The following NRP1 variants were observed in gnomAD, a reference collection of about 807,000 sequenced individuals.
NRP1 encodes neuropilin-1.
A neutral mutation model predicts 106.7 loss-of-function variants in NRP1; 35 were observed. The observed-to-expected ratio is 0.33, with a 90% confidence interval of 0.25 to 0.43. The LOEUF is 0.43. Among genes scored for constraint, NRP1 ranks in the 20% least tolerant of loss-of-function variants. The pLI, the probability that NRP1 is intolerant of heterozygous loss-of-function variation, is 1.00. For missense variants in NRP1, 1,024 were observed against 1,170.4 expected (o/e 0.87, Z 1.83); for synonymous variants, 437 against 417.9 (o/e 1.05, Z -0.56).
intron 2 of NRP1, among the ~76,000 whole-genome samples, chr10:33,330,406 AAAG>A (rs1484545301): frequency 3.9e-5 from 6 of 152,016 alleles, no homozygotes; most frequent in African/African-American, 1.2e-4. Context: ...AAAAAAAAAA[AAAG>A]AAAGAAAAAA....
intron 5 of NRP1, among the ~76,000 whole-genome samples, chr10:33,255,592 C>T (rs1842143133): frequency 2.0e-5 from 3 of 152,162 alleles, no homozygotes; most frequent in Admixed American, 1.3e-4. Context: ...ACTGGGACTA[C>T]AGGCACAATC....
At chr10:33,281,849 C>T (rs1228027529) in intron 2 of NRP1, among the ~76,000 whole-genome samples, 1 of 152,104 alleles carries the variant, frequency 6.6e-6, no homozygotes, top group Non-Finnish European at 1.5e-5. Context: ...ACATAGAGAA[C>T]CAAATGGAGA....
At position 33,226,187 on chromosome 10, in the gene NRP1, C is replaced by A; in HGVS notation, c.1084G>T (p.Val362Phe). ...KYYVKTYKID[V>F]SSNGEDWITI... ...ATCCAGTCTTCCCCGTTGGAGCTAA[C>A]GTCGATCTTGTAAGTCTTGACATAA... Residue 362 changes from valine (V) to phenylalanine (F), a missense_variant, in exon 7 of 17, where the codon GTT becomes TTT. This residue lies in a region of NRP1 where 562 missense variants were observed against 620.3 expected (regional missense o/e 0.91). Coordinates refer to ENST00000374867, the MANE Select transcript of NRP1 (RefSeq NM_003873.7). The A allele has an allele frequency of 6.2e-7, 1 of 1,614,190 alleles. No homozygotes were observed. Among genetic ancestry groups the A allele is most frequent in the Non-Finnish European group, 8.5e-7 (1 of 1,180,028 alleles).
At position 33,311,440 on chromosome 10, in the gene NRP1, G is replaced by A. The variant is rs142040427; in HGVS notation, c.248+19268C>T. Among the ~76,000 whole-genome samples, 42 of 152,342 alleles carry A rather than the reference G, an allele frequency of 2.8e-4. No individual in the cohort carries two copies. In the Middle Eastern group the frequency reaches 0.01, roughly 37 times the overall value. Reference sequence around the variant, plus strand: ...GGAGGCCACTCGGAGAACAGCCCCTGAGTAGCAGGTCTCTTCTACTTGTCA... The same window carrying A: ...GGAGGCCACTCGGAGAACAGCCCCTAAGTAGCAGGTCTCTTCTACTTGTCA... On this transcript the variant is annotated intron_variant, in intron 2 of 16. Coordinates refer to ENST00000374867, the MANE Select transcript of NRP1 (RefSeq NM_003873.7).
In NRP1 at chr10:33,179,310, A is replaced by G. The variant is rs1174817148; in HGVS notation, c.*766T>C. The G allele has an allele frequency of 6.5e-6, 1 of 152,676 alleles. No individual in the cohort carries two copies. The highest frequency in any genetic ancestry group is 1.9e-4 in the East Asian group (1 of 5,194). The allele number at this position is 152,676 out of a possible 1,614,324, so 9.5% of individuals were successfully genotyped here. A position where few individuals can be genotyped will look rare whatever the true frequency, so the allele number is the denominator to read the frequency against. On this transcript the variant is annotated 3_prime_UTR_variant, in exon 17 of 17. Coordinates refer to ENST00000374867, the MANE Select transcript of NRP1 (RefSeq NM_003873.7). ...GGTCGTTAATGTAACACAATGAACC[A>G]GTACAAACAAAAAGGCACTTGAGAG...
intron 15 of NRP1, among the ~76,000 whole-genome samples, chr10:33,184,230 G>T (rs191834559): frequency 5.3e-5 from 8 of 152,202 alleles, no homozygotes; most frequent in Admixed American, 2.0e-4. Flanking sequence ...TGGCCAGGCT[G>T]GTCCTAAACT....
rs146774468 is a variant in NRP1, at chr10:33,320,912, GACTGTCACATTA to G, written c.248+9784_248+9795del. On this transcript the variant is annotated intron_variant, in intron 2 of 16. Transcript: ENST00000374867. Reference sequence around the variant, plus strand: ...AAGGCAAAATAGAGTGCTGCAGTCAGACTGTCACATTAACTGGAATTTGTCAACTTGACTGGC... The same window carrying G: ...AAGGCAAAATAGAGTGCTGCAGTCAGACTGGAATTTGTCAACTTGACTGGC... 5.0e-3 allele frequency among the ~76,000 whole-genome samples: 769 copies of G among 152,342 alleles called. 7 individuals are homozygous for G. Among genetic ancestry groups the G allele is most frequent in the African/African-American group, 0.018 (745 of 41,576 alleles).
At chr10:33,222,249 T>C (rs932022923) in intron 7 of NRP1, among the ~76,000 whole-genome samples, 3 of 152,174 alleles carry the variant, frequency 2.0e-5, no homozygotes, top group African/African-American at 7.2e-5. Flanking sequence ...CCAGAAGGGA[T>C]GCTTTTTAAG....
intron 11 of NRP1, 70 bp downstream of exon 11, chr10:33,202,821 G>C: frequency 1.2e-6 from 2 of 1,613,688 alleles, no homozygotes; most frequent in Admixed American, 1.7e-5. Flanking sequence ...CACACACACA[G>C]GCGTTAGCTG....
intron 9 of NRP1, 84 bp from the exon 10 acceptor site, chr10:33,207,800 ACT>A: frequency 3.4e-6 from 5 of 1,469,724 alleles, no homozygotes; most frequent in Non-Finnish European, 4.7e-6. Context: ...CTCCTTCAGG[ACT>A]CTGAATAAGG....
intron 1 of NRP1, among the ~76,000 whole-genome samples, chr10:33,333,486 C>T (rs977238278): frequency 2.0e-5 from 3 of 152,102 alleles, no homozygotes; most frequent in African/African-American, 7.2e-5. Context: ...CTAAGCCAGA[C>T]AAAAGTAAAT....
intron 2 of NRP1, among the ~76,000 whole-genome samples, chr10:33,319,544 CTT>C (rs1428713967): frequency 6.6e-6 from 1 of 150,544 alleles, no homozygotes; most frequent in Non-Finnish European, 1.5e-5. Flanking sequence ...GGTGCTCACT[CTT>C]TGCGGTGGTG....
chr10:33,202,563 T>C, intron 11 of NRP1: 1 of 1,332,266 alleles, frequency 7.5e-7, no homozygotes. Flanking sequence ...GGTGCACGTG[T>C]TATTGGGGGG....
At chr10:33,207,824 G>A in intron 9 of NRP1, 108 bp from the exon 10 acceptor site, 1 of 1,188,636 alleles carries the variant, frequency 8.4e-7, no homozygotes, top group Non-Finnish European at 1.2e-6. Flanking sequence ...AGAGAAATTG[G>A]CTTCATTCTA....
At chr10:33,203,182 G>C (rs3818195) in intron 10 of NRP1, among the ~76,000 whole-genome samples, 187 bp from the exon 11 acceptor site, 38,719 of 152,178 alleles carry the variant, frequency 0.25, 5,603 homozygotes, top group East Asian at 0.6. Flanking sequence ...AGCAGAGGCT[G>C]CTTTGTTTTG....
chr10:33,312,319 A>G (rs1203915356), intron 2 of NRP1, among the ~76,000 whole-genome samples: 1 of 152,240 alleles, frequency 6.6e-6, no homozygotes, highest in Non-Finnish European at 1.5e-5. Context: ...TTTAAAACAC[A>G]TCTGTGTCCT....
chr10:33,240,448 T>G (rs1188359977), intron 6 of NRP1, among the ~76,000 whole-genome samples: 3 of 152,180 alleles, frequency 2.0e-5, no homozygotes, highest in Admixed American at 6.6e-5. Flanking sequence ...TGATTATTGG[T>G]TTTGCAGTTA....
At chr10:33,192,816 A>C (rs1228854639) in intron 12 of NRP1, among the ~76,000 whole-genome samples, 1 of 152,204 alleles carries the variant, frequency 6.6e-6, no homozygotes, top group African/African-American at 2.4e-5. Flanking sequence ...CACCAATGAA[A>C]AGAATCTTAA....
intron 13 of NRP1, among the ~76,000 whole-genome samples, chr10:33,190,967 C>CTA (rs1564365845): frequency 6.6e-6 from 1 of 152,126 alleles, no homozygotes; most frequent in East Asian, 1.9e-4. Context: ...GATCCTAAAA[C>CTA]AGACTCTGAG....
Sources: allele counts gnomAD v4.1 joint callset (sites outside exome capture counted in the v4.1 genomes callset), GRCh38; gene constraint gnomAD v4.1.1; regional missense constraint gnomAD v4.1.1; transcripts MANE v1.5; gene names NCBI Gene and HGNC (gene_info 2026-07-23, HGNC 2026-07-21).